Variants in HSD17B12 observed in about 807,000 individuals in gnomAD.
HSD17B12 encodes the protein hydroxysteroid 17-beta dehydrogenase 12.
In HSD17B12, 32 loss-of-function variants were observed where a neutral mutation model predicts 39.3. The ratio of observed to expected loss-of-function variants is 0.81; its 90% CI spans 0.61 to 1.09. The LOEUF is 1.09. Among genes scored for constraint, HSD17B12 ranks in the 50% least tolerant of loss-of-function variants. HSD17B12 has a pLI of 0.00. For synonymous variants in HSD17B12, 150 were observed against 146.7 expected (o/e 1.02, Z -0.16); for missense variants, 342 against 382.9 (o/e 0.89, Z 0.89).
chr11:43,617,010 C>T, the HSD17B12 span, among the ~76,000 whole-genome samples: 5 of 150,646 alleles, frequency 3.3e-5, no homozygotes, highest in Admixed American at 3.3e-4. Context: ...AAAAAAAAAT[C>T]CGGGGTAAGT....
intron 6 of HSD17B12, among the ~76,000 whole-genome samples, chr11:43,820,761 T>G (rs953236681): frequency 3.3e-5 from 5 of 152,204 alleles, no homozygotes; most frequent in African/African-American, 1.2e-4. Context: ...CAGGAGAGAT[T>G]GGTGAAATCA....
intron 3 of HSD17B12, among the ~76,000 whole-genome samples, chr11:43,762,278 A>C (rs556131955): frequency 1.3e-5 from 2 of 152,202 alleles, no homozygotes; most frequent in Non-Finnish European, 2.9e-5. Context: ...GCTTTTACAA[A>C]ATGTTTAATT....
At chr11:43,658,006 C>A in the HSD17B12 span, among the ~76,000 whole-genome samples, 2 of 152,202 alleles carry the variant, frequency 1.3e-5, no homozygotes, top group African/African-American at 4.8e-5. Context: ...AACTTGGCTC[C>A]ATTCTCCCCG....
intron 3 of HSD17B12, among the ~76,000 whole-genome samples, chr11:43,756,506 T>C (rs1950509040): frequency 6.6e-6 from 1 of 152,166 alleles, no homozygotes; most frequent in South Asian, 2.1e-4. Flanking sequence ...TCTTAGCTTC[T>C]TGTAGTCTTG....
intron 1 of HSD17B12, among the ~76,000 whole-genome samples, chr11:43,726,952 C>T (rs769620425): frequency 3.6e-4 from 54 of 152,102 alleles, no homozygotes; most frequent in Non-Finnish European, 6.3e-4. Flanking sequence ...TTAAGGCTTC[C>T]ATTAATTGGG....
At chr11:43,592,186 C>T in the HSD17B12 span, among the ~76,000 whole-genome samples, 589 of 151,836 alleles carry the variant, frequency 3.9e-3, 5 homozygotes, top group African/African-American at 0.013. Context: ...TATAACACAT[C>T]AAAACAGGTT....
intron 1 of HSD17B12, among the ~76,000 whole-genome samples, chr11:43,739,312 G>T (rs1046834907): frequency 6.6e-6 from 1 of 152,192 alleles, no homozygotes; most frequent in African/African-American, 2.4e-5. Flanking sequence ...CTTAATGGGA[G>T]ATGAGACGGT....
intron 1 of HSD17B12, among the ~76,000 whole-genome samples, chr11:43,706,691 T>TGTGTGTGC: frequency 7.0e-6 from 1 of 143,400 alleles, no homozygotes; most frequent in African/African-American, 2.6e-5. Flanking sequence ...AATGAAGGGG[T>TGTGTGTGC]GTGTGTGTGT....
the HSD17B12 span, among the ~76,000 whole-genome samples, chr11:43,628,949 C>T: frequency 6.6e-6 from 1 of 152,078 alleles, no homozygotes; most frequent in Non-Finnish European, 1.5e-5. Context: ...AAGAATGTCA[C>T]TCATCCTAAC....
intron 1 of HSD17B12, among the ~76,000 whole-genome samples, chr11:43,728,062 GTTTTTTGT>G (rs1486421843): frequency 2.0e-5 from 3 of 151,254 alleles, no homozygotes; most frequent in Non-Finnish European, 4.4e-5. Flanking sequence ...TTTTTTGTTT[GTTTTTTGT>G]TTTTTTGTTT....
the HSD17B12 span, among the ~76,000 whole-genome samples, chr11:43,596,356 GA>G: frequency 2.0e-5 from 3 of 151,880 alleles, no homozygotes; most frequent in African/African-American, 7.3e-5. Flanking sequence ...GTAGAGTAAA[GA>G]AAAACAAACA....
At chr11:43,588,831 A>G in the HSD17B12 span, among the ~76,000 whole-genome samples, 1 of 151,936 alleles carries the variant, frequency 6.6e-6, no homozygotes, top group African/African-American at 2.4e-5. Flanking sequence ...AAGGGTTGAT[A>G]GAAAAATCTT....
the HSD17B12 span, among the ~76,000 whole-genome samples, chr11:43,666,929 A>G: frequency 7.4e-4 from 112 of 152,358 alleles, no homozygotes; most frequent in African/African-American, 2.6e-3. Context: ...CAACTATTCA[A>G]TAATTGCGTG....
At position 43,772,171 on chromosome 11, in the gene HSD17B12, G is replaced by A. The variant is rs188417685; in HGVS notation, c.283+18050G>A. Reference sequence around the variant, plus strand: ...TTAGCATGGTTCCAAGTGTTGAGTCGTTAATAGTGAGGAGACATAAAGTAC... The same window carrying A: ...TTAGCATGGTTCCAAGTGTTGAGTCATTAATAGTGAGGAGACATAAAGTAC... On this transcript the variant is annotated intron_variant, in intron 3 of 10. Coordinates refer to ENST00000278353, the MANE Select transcript of HSD17B12 (RefSeq NM_016142.3). Among the ~76,000 whole-genome samples, 24 of 152,304 alleles carry A rather than the reference G, an allele frequency of 1.6e-4. No homozygotes were observed. The East Asian group carries it at 2.9e-3, about 18-fold the overall frequency.
chr11:43,626,599 A>G, the HSD17B12 span, among the ~76,000 whole-genome samples: 1 of 151,884 alleles, frequency 6.6e-6, no homozygotes, highest in Admixed American at 6.6e-5. Flanking sequence ...CAGGAAAAGG[A>G]GTATTTTTGT....
At chr11:43,780,843 A>G (rs751094036) in intron 3 of HSD17B12, among the ~76,000 whole-genome samples, 2 of 152,176 alleles carry the variant, frequency 1.3e-5, no homozygotes, top group Non-Finnish European at 2.9e-5. Flanking sequence ...GACCTTAACT[A>G]GAATATATGT....
chr11:43,597,709 G>A, the HSD17B12 span, among the ~76,000 whole-genome samples: 4 of 152,204 alleles, frequency 2.6e-5, no homozygotes, highest in East Asian at 3.9e-4. Context: ...GCAGTGGTGC[G>A]ATCTTGGCTC....
chr11:43,566,534 C>A, the HSD17B12 span, among the ~76,000 whole-genome samples: 3 of 144,974 alleles, frequency 2.1e-5, no homozygotes, highest in Admixed American at 2.1e-4. Context: ...TGACCCAGAA[C>A]TTTTTTTTTT....
At chr11:43,681,771 G>A (rs1949747243) in intron 1 of HSD17B12, among the ~76,000 whole-genome samples, 2 of 151,624 alleles carry the variant, frequency 1.3e-5, no homozygotes, top group Non-Finnish European at 2.9e-5. Flanking sequence ...TTAAAATGGA[G>A]GACGAAGGTC....
Sources: allele counts gnomAD v4.1 joint callset (sites outside exome capture counted in the v4.1 genomes callset), GRCh38; gene constraint gnomAD v4.1.1; transcripts MANE v1.5; gene names NCBI Gene and HGNC (gene_info 2026-07-23, HGNC 2026-07-21).